CASP8: variants seen among roughly 807,000 people sequenced by gnomAD.
CASP8 encodes caspase-8.
A neutral mutation model predicts 46.3 loss-of-function variants in CASP8; 24 were observed. That is an observed-to-expected ratio of 0.52 (90% CI 0.38 to 0.73). The LOEUF (loss-of-function observed/expected upper bound fraction) is 0.73, where lower values mean the gene tolerates loss of function less well. Among genes scored for constraint, CASP8 ranks in the 30% least tolerant of loss-of-function variants. CASP8 has a pLI of 0.00. For missense variants in CASP8, 460 were observed against 559.0 expected (o/e 0.82, Z 1.79); for synonymous variants, 188 against 200.4 (o/e 0.94, Z 0.52).
At chr2:201,269,306 T>C (rs80084677) in intron 2 of CASP8, among the ~76,000 whole-genome samples, 1 of 152,302 alleles carries the variant, frequency 6.6e-6, no homozygotes, top group East Asian at 1.9e-4. Flanking sequence ...CGCATTCTCA[T>C]ATTCCAGATA....
chr2:201,249,647 C>T (rs765913886), intron 2 of CASP8, among the ~76,000 whole-genome samples: 9 of 152,258 alleles, frequency 5.9e-5, no homozygotes, highest in East Asian at 1.9e-4. Flanking sequence ...ATCGCTTGAG[C>T]GCGGGAGGCG....
At chr2:201,285,457 C>A in intron 8 of CASP8, 140 bp downstream of exon 8, 2 of 1,040,512 alleles carry the variant, frequency 1.9e-6, no homozygotes, top group Non-Finnish European at 2.9e-6. Flanking sequence ...GAGAACTGTC[C>A]AAGGGGAGTG....
rs781707597 is a variant in CASP8, at chr2:201,285,279, C to T, written c.1266C>T (p.Ile422=). 57 of 1,613,970 alleles carry T rather than the reference C, an allele frequency of 3.5e-5. No homozygotes were observed. The highest frequency in any genetic ancestry group is 8.3e-5 in the Admixed American group (5 of 59,992). ...YRNPAEGTWY[I]QSLCQSLRER... is the part of the protein sequence containing the mutation. ...ACCCTGCAGAGGGAACCTGGTACAT[C>T]CAGTCACTTTGCCAGAGCCTGAGAG... The change falls in exon 8 of 9, where the codon ATC becomes ATT. Residue 422 remains isoleucine, a synonymous_variant. Coordinates refer to ENST00000673742, the MANE Select transcript of CASP8 (RefSeq NM_001372051.1).
At chr2:201,248,043 T>C (rs998748396) in intron 2 of CASP8, among the ~76,000 whole-genome samples, 6 of 152,080 alleles carry the variant, frequency 3.9e-5, no homozygotes, top group Admixed American at 3.9e-4. Context: ...GCCTCCCAAA[T>C]TGGTAGGATT....
At chr2:201,243,262 C>T (rs756627033) in intron 2 of CASP8, among the ~76,000 whole-genome samples, 1 of 151,986 alleles carries the variant, frequency 6.6e-6, no homozygotes, top group Admixed American at 6.6e-5. Flanking sequence ...ATTGATAAAG[C>T]AATAGAAAAG....
chr2:201,257,444 T>C (rs1317295835), upstream of CASP8, among the ~76,000 whole-genome samples: 1 of 142,508 alleles, frequency 7.0e-6, no homozygotes, highest in Non-Finnish European at 1.5e-5. Flanking sequence ...ATCGCACCAC[T>C]GTACTGTTGC....
upstream of CASP8, chr2:201,258,091 GAA>G: frequency 1.1e-6 from 1 of 910,296 alleles, no homozygotes. Context: ...CTTCTGTGGT[GAA>G]GTTTTCTCTT....
intron 6 of CASP8, among the ~76,000 whole-genome samples, chr2:201,275,682 C>G (rs917944327): frequency 1.3e-5 from 2 of 152,186 alleles, no homozygotes; most frequent in Non-Finnish European, 2.9e-5. Flanking sequence ...CAAGCATTGT[C>G]CCCACTGAAG....
At chr2:201,241,583 C>T (rs1946301585) in intron 2 of CASP8, 1 of 152,166 alleles carries the variant, frequency 6.6e-6, no homozygotes, top group Non-Finnish European at 1.5e-5. Context: ...CGAAGAAGTC[C>T]AGGACCAGAT....
At chr2:201,239,568 C>T (rs1946215742) in intron 2 of CASP8, among the ~76,000 whole-genome samples, 1 of 152,188 alleles carries the variant, frequency 6.6e-6, no homozygotes, top group South Asian at 2.1e-4. Context: ...GTTACATAGA[C>T]TCTTATCAGT....
chr2:201,251,179 A>G (rs1187881608), intron 2 of CASP8, among the ~76,000 whole-genome samples: 7 of 152,156 alleles, frequency 4.6e-5, no homozygotes, highest in African/African-American at 1.7e-4. Flanking sequence ...GTTGCTTCCA[A>G]CTTTTGGCAG....
rs201083617 is a variant in CASP8 at position 201,273,064 on chromosome 2, T to TC, written c.595+122_595+123insC. ...CGTGCCTGCTCTACTTTTTCTTTTT[T>TC]TTTTTTTTTTTGTGAGACAGTTTTA... is the stretch of plus-strand genomic sequence containing the variant. On this transcript the variant is annotated intron_variant, in intron 5 of 8. Transcript: ENST00000673742. The TC allele has an allele frequency of 0.078, 65,316 of 840,090 alleles. 4,565 individuals are homozygous for TC. Among genetic ancestry groups the TC allele is most frequent in the African/African-American group, 0.31 (18,017 of 57,236 alleles). 52.0% of individuals were successfully genotyped at this position (840,090 alleles called of 1,614,324 possible).
chr2:201,274,197 T>A (rs991914874), intron 5 of CASP8, among the ~76,000 whole-genome samples: 2 of 152,212 alleles, frequency 1.3e-5, no homozygotes, highest in African/African-American at 4.8e-5. Flanking sequence ...CTCTGCCTGC[T>A]GAGCCTAAGG....
chr2:201,275,795 C>T (rs190257691), intron 6 of CASP8, among the ~76,000 whole-genome samples: 277 of 152,244 alleles, frequency 1.8e-3, no homozygotes, highest in Admixed American at 3.9e-3. Flanking sequence ...AGCCAGGTCT[C>T]GAACTCCTGG....
At chr2:201,261,260 G>A (rs1267775368) in intron 1 of CASP8, among the ~76,000 whole-genome samples, 1 of 151,946 alleles carries the variant, frequency 6.6e-6, no homozygotes, top group East Asian at 1.9e-4. Context: ...GCATGATGGC[G>A]CATGCCTGTA....
rs1437824324 is a variant in CASP8 at position 201,281,343 on chromosome 2, A to G, written c.803-3473A>G. Among the ~76,000 whole-genome samples the G allele has an allele frequency of 6.6e-5, 10 of 152,226 alleles. No homozygotes were observed. The East Asian group carries it at 1.7e-3, about 26-fold the overall frequency. Reference sequence around the variant, plus strand: ...AAATTAAAAAAATAAAAATATTACTATGGATTCAACCAAAACTTGTAAATA... The same window carrying G: ...AAATTAAAAAAATAAAAATATTACTGTGGATTCAACCAAAACTTGTAAATA... On this transcript the variant is annotated intron_variant, in intron 7 of 8. Transcript: ENST00000673742.
intron 2 of CASP8, among the ~76,000 whole-genome samples, chr2:201,235,079 A>C (rs909429720): frequency 3.3e-5 from 5 of 152,182 alleles, no homozygotes; most frequent in African/African-American, 1.2e-4. Context: ...TGTTGTTCAA[A>C]TCTTGTATAA....
chr2:201,281,644 G>A (rs1426964201), intron 7 of CASP8, among the ~76,000 whole-genome samples: 1 of 111,924 alleles, frequency 8.9e-6, no homozygotes, highest in Non-Finnish European at 2.0e-5. Flanking sequence ...TTTTGAGAAG[G>A]TTTAGGATAA....
chr2:201,285,138 A>C lies in CASP8; in HGVS notation c.1125A>C (p.Ser375=). ...AAGGTATACCTGTTGAGACTGATTC[A>C]GAGGAGCAACCCTATTTAGAAATGG... ...YQKGIPVETD[S]EEQPYLEMDL... is the part of the protein sequence containing the mutation. Residue 375 remains serine, a synonymous_variant, in exon 8 of 9, where the codon TCA becomes TCC. Coordinates refer to ENST00000673742, the MANE Select transcript of CASP8 (RefSeq NM_001372051.1). The C allele has an allele frequency of 6.2e-7, 1 of 1,614,212 alleles. No homozygotes were observed. The highest frequency in any genetic ancestry group is 1.1e-5 in the South Asian group (1 of 91,084).
Sources: allele counts gnomAD v4.1 joint callset (sites outside exome capture counted in the v4.1 genomes callset), GRCh38; gene constraint gnomAD v4.1.1; transcripts MANE v1.5; gene names NCBI Gene and HGNC (gene_info 2026-07-23, HGNC 2026-07-21).